CHST9: variants seen among roughly 807,000 people sequenced by gnomAD.
CHST9 encodes GalNAc-4-sulfotransferase 2.
In CHST9, 41 loss-of-function variants were observed where a neutral mutation model predicts 44.4. That is an observed-to-expected ratio of 0.92 (90% CI 0.72 to 1.20). The LOEUF (loss-of-function observed/expected upper bound fraction) is 1.20. Ranked by LOEUF, CHST9 falls within the 50% of genes most tolerant of loss-of-function variation. The pLI, the probability that CHST9 is intolerant of heterozygous loss-of-function variation, is 0.00. For missense variants in CHST9, 504 were observed against 516.5 expected, an observed-to-expected ratio of 0.98 and a Z score of 0.23; for synonymous variants, 171 against 178.4, an observed-to-expected ratio of 0.96 and a Z score of 0.33.
chr18:27,163,336 A>C (rs1228591582), intron 1 of CHST9, among the ~76,000 whole-genome samples: 5 of 152,152 alleles, frequency 3.3e-5, no homozygotes, highest in Non-Finnish European at 5.9e-5. Context: ...ACTCTCTTCA[A>C]GGCTGTCAGA....
At chr18:27,073,363 C>A (rs907003172) in intron 2 of CHST9, among the ~76,000 whole-genome samples, 2 of 131,418 alleles carry the variant, frequency 1.5e-5, no homozygotes, top group Admixed American at 1.9e-4. Context: ...GCTGGGATAA[C>A]AAGTTAAGCT....
intron 2 of CHST9, among the ~76,000 whole-genome samples, chr18:27,054,829 T>A (rs73404807): frequency 6.6e-6 from 1 of 152,078 alleles, no homozygotes; most frequent in Non-Finnish European, 1.5e-5. Flanking sequence ...TGCGTGCACA[T>A]GCACACACAT....
At chr18:27,135,330 T>C (rs2058504909) in intron 2 of CHST9, among the ~76,000 whole-genome samples, 2 of 152,242 alleles carry the variant, frequency 1.3e-5, no homozygotes, top group Non-Finnish European at 2.9e-5. Context: ...AGCTGATCCA[T>C]ACTGCAGTAA....
intron 3 of CHST9, among the ~76,000 whole-genome samples, chr18:27,032,228 ACAGAAACACCC>A (rs1242046543): frequency 6.6e-6 from 1 of 152,158 alleles, no homozygotes; most frequent in African/African-American, 2.4e-5. Context: ...TGACTGGCAC[ACAGAAACACCC>A]CGTATGTGAA....
chr18:26,931,944 A>G (rs1464919681), intron 5 of CHST9, among the ~76,000 whole-genome samples: 4 of 151,356 alleles, frequency 2.6e-5, no homozygotes, highest in Non-Finnish European at 5.9e-5. Flanking sequence ...GTCTCTCACT[A>G]CCTAACCCAT....
chr18:26,993,330 A>G (rs2056847342), intron 4 of CHST9, among the ~76,000 whole-genome samples: 1 of 152,236 alleles, frequency 6.6e-6, no homozygotes, highest in Admixed American at 6.5e-5. Context: ...AAGAGAATTG[A>G]AACCTTAAAT....
intron 5 of CHST9, among the ~76,000 whole-genome samples, chr18:26,938,599 TCAC>T: frequency 6.6e-6 from 1 of 152,214 alleles, no homozygotes; most frequent in Admixed American, 6.5e-5. Flanking sequence ...GTTCTAAAGT[TCAC>T]ACTACACTGA....
chr18:27,091,412 G>A (rs376844256), intron 2 of CHST9, among the ~76,000 whole-genome samples: 31 of 152,054 alleles, frequency 2.0e-4, no homozygotes, highest in Non-Finnish European at 2.6e-4. Context: ...TTGACTTCCC[G>A]ATTTCCTAAT....
intron 2 of CHST9, among the ~76,000 whole-genome samples, chr18:27,113,544 G>A (rs979057140): frequency 6.6e-6 from 1 of 152,108 alleles, no homozygotes; most frequent in East Asian, 1.9e-4. Flanking sequence ...AGGTAATTAG[G>A]TCAGGAGGGT....
intron 1 of CHST9, among the ~76,000 whole-genome samples, chr18:27,153,538 C>CTGTG (rs1306842664): frequency 8.1e-6 from 1 of 123,146 alleles, no homozygotes; most frequent in African/African-American, 3.0e-5. Flanking sequence ...CTCTCTCTCT[C>CTGTG]TCTCTCTCTG....
chr18:26,975,617 T>C (rs2056607758), intron 4 of CHST9, among the ~76,000 whole-genome samples: 1 of 147,762 alleles, frequency 6.8e-6, no homozygotes, highest in South Asian at 2.1e-4. Flanking sequence ...CTTATTCTTT[T>C]TAATGGCTGA....
At chr18:26,961,657 G>A (rs879720687) in intron 4 of CHST9, among the ~76,000 whole-genome samples, 3 of 152,092 alleles carry the variant, frequency 2.0e-5, no homozygotes, top group African/African-American at 7.2e-5. Context: ...CAAACTCCTG[G>A]GCTCAATCGA....
At chr18:26,927,827 G>A (rs551505462) in intron 5 of CHST9, among the ~76,000 whole-genome samples, 71 of 152,182 alleles carry the variant, frequency 4.7e-4, no homozygotes, top group African/African-American at 1.7e-3. Flanking sequence ...ATTTATGGGT[G>A]TCAGGCTGGG....
intron 2 of CHST9, among the ~76,000 whole-genome samples, chr18:27,082,090 T>C (rs1389306131): frequency 6.6e-6 from 1 of 152,148 alleles, no homozygotes; most frequent in Non-Finnish European, 1.5e-5. Flanking sequence ...CAAGTTCCCC[T>C]AAAAGTGTAC....
intron 5 of CHST9, chr18:26,936,548 T>C (rs1290379740): frequency 6.6e-6 from 1 of 152,184 alleles, no homozygotes; most frequent in Non-Finnish European, 1.5e-5. Context: ...TACTCAATAC[T>C]GAACGGCTCT....
intron 5 of CHST9, among the ~76,000 whole-genome samples, chr18:26,939,553 C>T (rs1242226918): frequency 6.6e-6 from 1 of 152,192 alleles, no homozygotes; most frequent in African/African-American, 2.4e-5. Flanking sequence ...AGAGCAAGAG[C>T]ATGAATGGAG....
intron 2 of CHST9, among the ~76,000 whole-genome samples, chr18:27,096,831 C>T (rs1013244090): frequency 1.3e-5 from 2 of 152,020 alleles, no homozygotes; most frequent in Non-Finnish European, 2.9e-5. Context: ...GATGGATTCT[C>T]AGCCAAATTC....
chr18:26,963,151 G>T (rs1015743336), intron 4 of CHST9, among the ~76,000 whole-genome samples: 13 of 152,036 alleles, frequency 8.6e-5, no homozygotes, highest in African/African-American at 3.1e-4. Context: ...ACACTCATGG[G>T]GTCATATGTG....
At chr18:27,183,011 C>T (rs1315780608) in intron 1 of CHST9, among the ~76,000 whole-genome samples, 3 of 151,768 alleles carry the variant, frequency 2.0e-5, no homozygotes, top group Non-Finnish European at 4.4e-5. Flanking sequence ...TGCACTTCTT[C>T]AGAGCATCAA....
Sources: gnomAD v4.1 joint callset for allele counts (sites outside exome capture counted in the v4.1 genomes callset) on GRCh38, gnomAD v4.1.1 for gene constraint, MANE v1.5 for transcripts, NCBI Gene and HGNC (gene_info 2026-07-23, HGNC 2026-07-21) for gene names.